ARMC5: variants seen among roughly 807,000 people sequenced by gnomAD.
The protein encoded by ARMC5 is armadillo repeat-containing protein 5.
ARMC5 carries 28 observed loss-of-function variants against 60.5 expected under a neutral mutation model. That is an observed-to-expected ratio of 0.46 (90% CI 0.34 to 0.63). ARMC5 has a LOEUF of 0.63. ARMC5 is among the 30% of genes least tolerant of loss of function. ARMC5 has a pLI of 0.01. For missense variants in ARMC5, 1,189 were observed against 1,304.9 expected, an observed-to-expected ratio of 0.91 and a Z score of 1.37; for synonymous variants, 680 against 607.3, an observed-to-expected ratio of 1.12 and a Z score of -1.76.
Position 31,466,620 on chromosome 16 carries a change from C to A in ARMC5, c.2539C>A (p.Leu847Met). Residue 847 changes from leucine (L) to methionine (M), a missense_variant, in exon 6 of 6, where the codon CTG (leucine) becomes ATG (methionine). By Grantham distance (15) the Leu-to-Met change is conservative. This residue lies in a region of ARMC5 where 862 missense variants were observed against 1,071.2 expected (regional missense o/e 0.80). Transcript: ENST00000268314. This position sits in a 1 kb window ranked among gnomAD's most constrained non-coding sequence, Gnocchi z 8.0. ...TGCTGGCCGTTTCCTACTGCCTGGG[C>A]TGGAGGAGGAGCTGGAAGAGGCCGT... Reference protein sequence around the residue: ...EAAGRFLLPGLEEELEEAVGR... With the variant: ...EAAGRFLLPGMEEELEEAVGR... 1 of 1,602,504 alleles carries A rather than the reference C, an allele frequency of 6.2e-7. No individual in the cohort carries two copies. The highest frequency in any genetic ancestry group is 8.5e-7 in the Non-Finnish European group (1 of 1,175,064).
intron 1 of ARMC5, among the ~76,000 whole-genome samples, chr16:31,461,560 T>C (rs1365970520): frequency 6.6e-6 from 1 of 152,128 alleles, no homozygotes; most frequent in East Asian, 1.9e-4. Context: ...CAGGCTGGAG[T>C]GCAGTGACAC....
At position 31,462,290 on chromosome 16, in the gene ARMC5, C is replaced by A. The variant is rs765010110; in HGVS notation, c.743C>A (p.Thr248Asn). 1 of 1,609,960 alleles carries A rather than the reference C, an allele frequency of 6.2e-7. No homozygotes were observed. The highest frequency in any genetic ancestry group is 1.3e-5 in the African/African-American group (1 of 74,934). Residue 248 changes from threonine to asparagine, a missense_variant, in exon 3 of 6, where the codon ACT becomes AAT. By Grantham distance (65) the Thr-to-Asn change is moderately conservative. Transcript: ENST00000268314. The surrounding 1 kb of genome is among the most constrained non-coding windows in gnomAD (Gnocchi z 7.2). ...CGTCCGCTGGCCGAGCTCCTGGCCA[C>A]TGCCCCAGATGCTGCACTGACCTTA... ...AVRPLAELLA[T>N]APDAALTLAL...
chr16:31,465,310 G>C, intron 4 of ARMC5: 1 of 1,448,292 alleles, frequency 6.9e-7, no homozygotes, highest in East Asian at 2.5e-5. Flanking sequence ...GCTTCATGGC[G>C]TTACTGCTAG....
chr16:31,459,783 G>A lies in ARMC5; in HGVS notation c.259G>A (p.Ala87Thr). 1 of 1,539,422 alleles carries A rather than the reference G, an allele frequency of 6.5e-7. No homozygotes were observed. Among genetic ancestry groups the A allele is most frequent in the South Asian group, 1.2e-5 (1 of 84,958 alleles). ...AAAAGSAPSQ[A>T]GPGSAPSSAA... is the part of the protein sequence containing the mutation. ...TGCAGCGGGTTCCGCCCCGTCCCAG[G>A]CAGGCCCCGGCTCCGCCCCCTCGTC... The change falls in exon 1 of 6, where the codon GCA (alanine) becomes ACA (threonine). Residue 87 changes from alanine (A) to threonine (T), a missense_variant. Physicochemically the swap from Ala to Thr is moderately conservative, Grantham distance 58. Coordinates refer to ENST00000268314, the MANE Select transcript of ARMC5 (RefSeq NM_001105247.2).
rs762929772 is a variant in ARMC5, at chr16:31,464,508, G to A, written c.1485G>A (p.Pro495=). The A allele has an allele frequency of 6.2e-6, 10 of 1,605,608 alleles. No individual in the cohort carries two copies. The highest frequency in any genetic ancestry group is 2.2e-5 in the South Asian group (2 of 90,208). ...AGCCGGCCAGCCCCGCCCCGACCCC[G>A]ACCTCGCTGCGGGCACCACGCACCC... ...PMEPASPAPT[P]TSLRAPRTQR... is the part of the protein sequence containing the mutation. The change falls in exon 4 of 6, where the codon CCG becomes CCA. Residue 495 remains proline (P), a synonymous_variant. Coordinates refer to ENST00000268314, the MANE Select transcript of ARMC5 (RefSeq NM_001105247.2). This position sits in a 1 kb window ranked among gnomAD's most constrained non-coding sequence, Gnocchi z 7.6.
chr16:31,461,496 G>A (rs2082303161), intron 1 of ARMC5, among the ~76,000 whole-genome samples: 1 of 152,034 alleles, frequency 6.6e-6, no homozygotes, highest in Non-Finnish European at 1.5e-5. Flanking sequence ...GACCCAGCCC[G>A]AGTGTTAGCC....
Position 31,459,991 on chromosome 16 carries a change from T to G in ARMC5, c.467T>G (p.Leu156Arg), listed in dbSNP as rs1002622442. The G allele has an allele frequency of 5.6e-6, 9 of 1,596,460 alleles. No homozygotes were observed. The highest frequency in any genetic ancestry group is 2.3e-5 in the East Asian group (1 of 44,378). Reference protein sequence around the residue: ...RTEVRRLGGILPLVTILQCMK... With the variant: ...RTEVRRLGGIRPLVTILQCMK... Reference sequence around the variant, plus strand: ...GAAGTGCGCAGACTCGGAGGCATACTCCCTTTGGGTAAGTGCTCCGCCCCC... The same window carrying G: ...GAAGTGCGCAGACTCGGAGGCATACGCCCTTTGGGTAAGTGCTCCGCCCCC... Residue 156 changes from leucine to arginine, a missense_variant, in exon 1 of 6, where the codon CTC becomes CGC. This residue lies in a region of ARMC5 where 327 missense variants were observed against 233.7 expected (regional missense o/e 1.40). Coordinates refer to ENST00000268314, the MANE Select transcript of ARMC5 (RefSeq NM_001105247.2).
chr16:31,461,607 A>C (rs2082303997), intron 1 of ARMC5, among the ~76,000 whole-genome samples: 1 of 152,160 alleles, frequency 6.6e-6, no homozygotes, highest in East Asian at 1.9e-4. Context: ...TCCTGGGTTC[A>C]AGCAATTCTC....
chr16:31,459,826 C>G lies in ARMC5; in HGVS notation c.302C>G (p.Ser101Cys). The part of the protein sequence containing the change: ...SAPSSAASGA[S>C]SPAPASGPAP... Reference sequence around the variant, plus strand: ...CCCTCGTCGGCCGCGTCGGGAGCTTCTAGCCCCGCCCCCGCGTCGGGCCCC... The same window carrying G: ...CCCTCGTCGGCCGCGTCGGGAGCTTGTAGCCCCGCCCCCGCGTCGGGCCCC... Residue 101 changes from serine to cysteine, a missense_variant, in exon 1 of 6, where the codon TCT becomes TGT. By Grantham distance (112) the Ser-to-Cys change is moderately radical. Coordinates refer to ENST00000268314, the MANE Select transcript of ARMC5 (RefSeq NM_001105247.2). The G allele has an allele frequency of 6.4e-7, 1 of 1,557,982 alleles. No individual in the cohort carries two copies. Among genetic ancestry groups the G allele is most frequent in the South Asian group, 1.1e-5 (1 of 87,068 alleles).
At position 31,459,634 on chromosome 16, in the gene ARMC5, A is replaced by T; in HGVS notation, c.110A>T (p.Glu37Val). Residue 37 changes from glutamate (E) to valine (V), a missense_variant, in exon 1 of 6, where the codon GAG (glutamate) becomes GTG (valine). By Grantham distance (121) the Glu-to-Val change is moderately radical. Around this residue, in one of 2 missense-constraint regions of ARMC5, gnomAD observed 327 missense variants for 233.7 expected, o/e 1.40. Transcript: ENST00000268314. The part of the protein sequence containing the change: ...LGGEKDPATN[E>V]TPLSRALLAL... ...GGGGAAAAGGACCCAGCGACCAACG[A>T]GACACCCCTGAGCCGCGCGCTCCTA... 6.3e-7 allele frequency: 1 copy of T among 1,597,020 alleles called. No homozygotes were observed.
chr16:31,461,900 C>A, intron 1 of ARMC5, 22 bp from the exon 2 acceptor site: 1 of 1,607,330 alleles, frequency 6.2e-7, no homozygotes. Flanking sequence ...AGAACCCTCA[C>A]AAGCCCAAAC....
rs749873868 is a variant in ARMC5, at chr16:31,462,083, G to C, written c.584-48G>C. The stretch of plus-strand genomic sequence containing the variant: ...AGGGCTTGGGGCAGAAGAAAGGCTT[G>C]AGTGTCTGTCCTTGTTCACCCTCTG... On this transcript the variant is annotated intron_variant, in intron 2 of 5. Coordinates refer to ENST00000268314, the MANE Select transcript of ARMC5 (RefSeq NM_001105247.2). This position sits in a 1 kb window ranked among gnomAD's most constrained non-coding sequence, Gnocchi z 7.2. 1 of 1,613,332 alleles carries C rather than the reference G, an allele frequency of 6.2e-7. No individual in the cohort carries two copies. Among genetic ancestry groups the C allele is most frequent in the Non-Finnish European group, 8.5e-7 (1 of 1,179,562 alleles).
chr16:31,462,412 C>T lies in ARMC5; in HGVS notation c.865C>T (p.Leu289=). The stretch of plus-strand genomic sequence containing the variant: ...TGGGGGATTGGGCCCACTCGTCAGC[C>T]TGGCTTCCCACCCCAAGCGGGCAGT... ...LGGGLGPLVS[L]ASHPKRAVRE... Residue 289 remains leucine, a synonymous_variant, in exon 3 of 6, where the codon CTG becomes TTG. Coordinates refer to ENST00000268314, the MANE Select transcript of ARMC5 (RefSeq NM_001105247.2). This position sits in a 1 kb window ranked among gnomAD's most constrained non-coding sequence, Gnocchi z 7.2. The T allele has an allele frequency of 6.2e-7, 1 of 1,610,828 alleles. No homozygotes were observed.
chr16:31,458,818 G>A, upstream of ARMC5: 1 of 1,531,844 alleles, frequency 6.5e-7, no homozygotes, highest in Non-Finnish European at 8.7e-7. Flanking sequence ...TGGCGCGGCC[G>A]ACTGCGCTGC....
Position 31,464,760 on chromosome 16 carries a change from C to T in ARMC5, c.1737C>T (p.Cys579=). ...CACGCCTCACCTGCAACCCTGCCTGCCTCGAGGCCTTCGTGCGCAGCTATG... is the reference window on the plus strand; with the variant it reads ...CACGCCTCACCTGCAACCCTGCCTGTCTCGAGGCCTTCGTGCGCAGCTATG... ...ILSRLTCNPA[C]LEAFVRSYGA... The change falls in exon 4 of 6, where the codon TGC becomes TGT. Residue 579 remains cysteine, a synonymous_variant. Coordinates refer to ENST00000268314, the MANE Select transcript of ARMC5 (RefSeq NM_001105247.2). The surrounding 1 kb of genome is among the most constrained non-coding windows in gnomAD (Gnocchi z 7.6). 6.3e-7 allele frequency: 1 copy of T among 1,599,266 alleles called. No individual in the cohort carries two copies.
rs369056576 is a variant in ARMC5, at chr16:31,466,166, G to A, written c.2085G>A (p.Pro695=). ...CGCTGACCCGGCCGGCCCCACACCC[G>A]CTCTTCCTCTTCTTTGCCGCGGACT... The part of the protein sequence containing the change: ...LAALTRPAPH[P]LFLFFAADSL... The change falls in exon 6 of 6, where the codon CCG becomes CCA. Residue 695 remains proline, a synonymous_variant. Transcript: ENST00000268314. The surrounding 1 kb of genome is among the most constrained non-coding windows in gnomAD (Gnocchi z 8.0). 56 of 1,609,844 alleles carry A rather than the reference G, an allele frequency of 3.5e-5. No homozygotes were observed. The African/African-American group carries it at 3.7e-4, about 11-fold the overall frequency.
upstream of ARMC5, chr16:31,459,288 A>G: frequency 6.5e-7 from 1 of 1,534,540 alleles, no homozygotes; most frequent in Non-Finnish European, 8.7e-7. Flanking sequence ...CTCGACGCGG[A>G]CCACATCTCC....
At chr16:31,458,529 T>C, upstream of ARMC5, 1 of 1,531,886 alleles carries the variant, frequency 6.5e-7, no homozygotes, top group East Asian at 2.4e-5. Flanking sequence ...AGGGGCTGCC[T>C]TGGTGGTGAA....
chr16:31,458,738 G>A (rs1046283356), upstream of ARMC5: 47 of 1,475,324 alleles, frequency 3.2e-5, no homozygotes, highest in Middle Eastern at 4.4e-4. Context: ...GGTGACCTGG[G>A]GGCTCCCCGG....
Sources: gnomAD v4.1 joint callset for allele counts (sites outside exome capture counted in the v4.1 genomes callset) on GRCh38, gnomAD v4.1.1 for gene constraint, gnomAD v4.1.1 regional missense constraint, Gnocchi (gnomAD v3.1) non-coding constraint, MANE v1.5 for transcripts, NCBI Gene and HGNC (gene_info 2026-07-23, HGNC 2026-07-21) for gene names.